The following NCAM2 variants were observed in gnomAD, a reference collection of about 807,000 sequenced individuals.
NCAM2 encodes the protein neural cell adhesion molecule 2.
In NCAM2, 30 loss-of-function variants were observed where a neutral mutation model predicts 98.1. That is an observed-to-expected ratio of 0.31 (90% CI 0.23 to 0.41). NCAM2 has a LOEUF of 0.41. Among genes scored for constraint, NCAM2 ranks in the 10% least tolerant of loss-of-function variants. The probability of loss-of-function intolerance (pLI) is 1.00; values close to 1 mark genes in which losing one functional copy is unlikely to be tolerated. For synonymous variants in NCAM2, 368 were observed against 342.4 expected (o/e 1.07, Z -0.83); for missense variants, 867 against 1,005.8 (o/e 0.86, Z 1.87).
chr21:21,094,747 A>C (rs562492615), intron 1 of NCAM2, among the ~76,000 whole-genome samples: 1 of 151,852 alleles, frequency 6.6e-6, no homozygotes, highest in South Asian at 2.1e-4. Flanking sequence ...CATTATAGGA[A>C]GGCTTACATA....
At chr21:21,013,518 A>G (rs950171108) in intron 1 of NCAM2, among the ~76,000 whole-genome samples, 5 of 152,206 alleles carry the variant, frequency 3.3e-5, no homozygotes, top group African/African-American at 4.8e-5. Context: ...GTGGTGGCTC[A>G]CACCTGTAAT....
chr21:21,456,199 A>T (rs1365531703), intron 12 of NCAM2, among the ~76,000 whole-genome samples: 1 of 152,146 alleles, frequency 6.6e-6, no homozygotes, highest in African/African-American at 2.4e-5. Flanking sequence ...GGGATATATG[A>T]AATAAATAGG....
intron 5 of NCAM2, 128 bp downstream of exon 5, chr21:21,292,369 T>C: frequency 1.1e-6 from 1 of 883,476 alleles, no homozygotes; most frequent in Non-Finnish European, 1.7e-6. Context: ...GGAAGAAATC[T>C]TTCCATCTTT....
Position 21,194,031 on chromosome 21 carries a change from A to G in NCAM2, c.56-86547A>G, listed in dbSNP as rs574394287. Among the ~76,000 whole-genome samples, 20 of 152,294 alleles carry G rather than the reference A, an allele frequency of 1.3e-4. No individual in the cohort carries two copies. The South Asian group carries it at 3.3e-3, about 25-fold the overall frequency. ...TACCAAAAATATTACACAATTTTCC[A>G]AAAACAAAGCAATGAGAAAGAATGA... On this transcript the variant is annotated intron_variant, in intron 1 of 17. Coordinates refer to ENST00000400546, the MANE Select transcript of NCAM2 (RefSeq NM_004540.5).
At chr21:21,095,942 G>A (rs945135418) in intron 1 of NCAM2, among the ~76,000 whole-genome samples, 3 of 150,930 alleles carry the variant, frequency 2.0e-5, no homozygotes, top group East Asian at 1.9e-4. Context: ...AGTGAATTGC[G>A]AATGAGAGAT....
chr21:21,380,174 T>C (rs1300731140), intron 9 of NCAM2, among the ~76,000 whole-genome samples: 2 of 152,168 alleles, frequency 1.3e-5, no homozygotes, highest in Non-Finnish European at 2.9e-5. Context: ...CTTTGCATCC[T>C]TCAATCCAGT....
chr21:21,390,858 C>G (rs2076365448), intron 9 of NCAM2, among the ~76,000 whole-genome samples: 1 of 152,018 alleles, frequency 6.6e-6, no homozygotes, highest in African/African-American at 2.4e-5. Flanking sequence ...GAGTAATGTG[C>G]CTAGTTTTAA....
intron 1 of NCAM2, among the ~76,000 whole-genome samples, chr21:21,099,522 A>T (rs1412085664): frequency 6.6e-6 from 1 of 151,890 alleles, no homozygotes; most frequent in East Asian, 1.9e-4. Flanking sequence ...GAAGCTCCTT[A>T]TAAAACCATC....
chr21:21,441,890 G>A (rs1979334957), intron 12 of NCAM2, among the ~76,000 whole-genome samples: 1 of 152,098 alleles, frequency 6.6e-6, no homozygotes, highest in African/African-American at 2.4e-5. Context: ...AAAGATACGA[G>A]GCTAGGCAAA....
chr21:21,194,064 A>G (rs1282600278), intron 1 of NCAM2, among the ~76,000 whole-genome samples: 2 of 152,170 alleles, frequency 1.3e-5, no homozygotes, highest in Non-Finnish European at 2.9e-5. Context: ...TGAAAATATG[A>G]TGACACGTAC....
chr21:21,330,324 A>G (rs1246129904), intron 6 of NCAM2, among the ~76,000 whole-genome samples: 2 of 152,078 alleles, frequency 1.3e-5, no homozygotes, highest in South Asian at 2.1e-4. Flanking sequence ...GCTAATTTTG[A>G]TATGTCATAT....
At chr21:21,014,029 G>A (rs967807878) in intron 1 of NCAM2, among the ~76,000 whole-genome samples, 6 of 152,190 alleles carry the variant, frequency 3.9e-5, no homozygotes, top group African/African-American at 9.7e-5. Flanking sequence ...CTAGAGAAGA[G>A]AAGTCAATGC....
At chr21:21,009,421 A>G (rs146634807) in intron 1 of NCAM2, among the ~76,000 whole-genome samples, 44 of 152,154 alleles carry the variant, frequency 2.9e-4, no homozygotes, top group African/African-American at 1.0e-3. Context: ...CCCTGGTCTT[A>G]TGTCCTCACT....
intron 1 of NCAM2, among the ~76,000 whole-genome samples, chr21:21,233,373 C>T (rs1053775296): frequency 5.9e-5 from 9 of 151,724 alleles, no homozygotes; most frequent in Admixed American, 3.9e-4. Context: ...AGTTCCCTTA[C>T]TGATGACCTC....
intron 15 of NCAM2, among the ~76,000 whole-genome samples, chr21:21,505,746 T>G (rs1387935330): frequency 1.3e-5 from 2 of 151,968 alleles, no homozygotes; most frequent in Non-Finnish European, 2.9e-5. Flanking sequence ...ATTTTTATAA[T>G]ACTAAATATC....
intron 9 of NCAM2, among the ~76,000 whole-genome samples, chr21:21,385,400 G>GCACA (rs1176937026): frequency 2.0e-5 from 1 of 49,388 alleles, no homozygotes; most frequent in African/African-American, 8.2e-5. Flanking sequence ...ACACACACAC[G>GCACA]CACACACACA....
intron 1 of NCAM2, among the ~76,000 whole-genome samples, chr21:21,252,289 A>ATT (rs770880330): frequency 1 from 151,608 of 151,608 alleles, 75,804 homozygotes; most frequent in Non-Finnish European, 1. Flanking sequence ...AAGATAACAA[A>ATT]TGTGTATCCC....
chr21:21,475,574 T>G (rs1168851733), intron 14 of NCAM2, among the ~76,000 whole-genome samples: 1 of 152,196 alleles, frequency 6.6e-6, no homozygotes, highest in African/African-American at 2.4e-5. Context: ...TTAACCTTAC[T>G]GTCCATTGAT....
At chr21:21,038,437 C>T (rs2064840359) in intron 1 of NCAM2, among the ~76,000 whole-genome samples, 1 of 152,096 alleles carries the variant, frequency 6.6e-6, no homozygotes, top group South Asian at 2.1e-4. Flanking sequence ...ATTCCCATAA[C>T]CCCCATGTGT....
Sources: allele counts gnomAD v4.1 joint callset (sites outside exome capture counted in the v4.1 genomes callset), GRCh38; gene constraint gnomAD v4.1.1; transcripts MANE v1.5; gene names NCBI Gene and HGNC (gene_info 2026-07-23, HGNC 2026-07-21).